The following CYREN variants were observed in gnomAD, a reference collection of about 807,000 sequenced individuals.
CYREN encodes the protein cell cycle regulator of NHEJ, also known as cell cycle regulator of non-homologous end joining.
CYREN carries 7 observed loss-of-function variants against 9.7 expected under a neutral mutation model. That is an observed-to-expected ratio of 0.72 (90% confidence interval 0.41 to 1.36). The LOEUF is 1.36. CYREN is among the 40% of genes most tolerant of loss of function. The pLI is 0.01. For missense variants in CYREN, 215 were observed against 198.1 expected (o/e 1.09, Z -0.51); for synonymous variants, 76 against 77.9 (o/e 0.98, Z 0.13).
intron 3 of CYREN, 131 bp from the exon 4 acceptor site, chr7:135,167,002 T>A: frequency 6.7e-7 from 1 of 1,488,774 alleles, no homozygotes; most frequent in Non-Finnish European, 8.9e-7. Flanking sequence ...AATGTACCCA[T>A]ATCCTGAGCA....
Position 135,096,831 on chromosome 7 carries a change from A to C in CYREN, n.357-2249T>G, listed in dbSNP as rs113361144. On this transcript the variant is annotated intron_variant and non_coding_transcript_variant, in intron 2 of 2. Transcript: ENST00000459937. ...GAAGGACATACATGGCTATTCTTTT[A>C]ATGACTGGCGGAAGAACATATACAA... 9.8e-3 allele frequency among the ~76,000 whole-genome samples: 1,496 copies of C among 152,262 alleles called. 20 individuals are homozygous for C. Among genetic ancestry groups the C allele is most frequent in the African/African-American group, 0.034 (1,410 of 41,546 alleles).
intron 2 of CYREN, among the ~76,000 whole-genome samples, chr7:135,126,837 C>T (rs1396588454): frequency 6.6e-6 from 1 of 152,136 alleles, no homozygotes; most frequent in Non-Finnish European, 1.5e-5. Context: ...TGAAACTGGA[C>T]CCCTTCCTTA....
At position 135,166,324 on chromosome 7, in the gene CYREN, A is replaced by T. The variant is rs1830129619; in HGVS notation, c.*287T>A. Reference sequence around the variant, plus strand: ...AACCTGGTCACTGACTAACACAGACAATTGGGACTCCAGAGCCTCAAGAGC... The same window carrying T: ...AACCTGGTCACTGACTAACACAGACTATTGGGACTCCAGAGCCTCAAGAGC... On this transcript the variant is annotated 3_prime_UTR_variant, in exon 4 of 4. Coordinates refer to ENST00000393114, the MANE Select transcript of CYREN (RefSeq NM_024033.4). 3.0e-6 allele frequency: 1 copy of T among 329,568 alleles called. No individual in the cohort carries two copies. Among genetic ancestry groups the T allele is most frequent in the Non-Finnish European group, 5.5e-6 (1 of 180,934 alleles). 20.4% of individuals were successfully genotyped at this position (329,568 alleles called of 1,614,324 possible).
chr7:135,151,863 G>A lies in CYREN; in HGVS notation n.356+16886C>T, dbSNP rs1274831412. ...CCCATGCTCCTTACCACCACACTGT[G>A]CTACCTCTCAACAGGCAGCTGCATC... On this transcript the variant is annotated intron_variant and non_coding_transcript_variant, in intron 2 of 2. Transcript: ENST00000459937. This position sits in a 1 kb window ranked among gnomAD's most constrained non-coding sequence, Gnocchi z 4.3. Among the ~76,000 whole-genome samples, 1 of 152,166 alleles carries A rather than the reference G, an allele frequency of 6.6e-6. No individual in the cohort carries two copies. The highest frequency in any genetic ancestry group is 6.5e-5 in the Admixed American group (1 of 15,280).
chr7:135,153,505 C>T lies in CYREN; in HGVS notation n.356+15244G>A, dbSNP rs374620034. 8.0e-5 allele frequency among the ~76,000 whole-genome samples: 12 copies of T among 149,196 alleles called. No homozygotes were observed. The South Asian group carries it at 8.6e-4, about 11-fold the overall frequency. On this transcript the variant is annotated intron_variant and non_coding_transcript_variant, in intron 2 of 2. Transcript: ENST00000459937. ...TAAAAACTCTAAAAACAGCAGATGTCGTCAAGGATGTGGAGAAAAGGGAAT... is the reference window on the plus strand; with the variant it reads ...TAAAAACTCTAAAAACAGCAGATGTTGTCAAGGATGTGGAGAAAAGGGAAT...
At chr7:135,165,036 G>A (rs368957588), downstream of CYREN, 34 of 1,525,754 alleles carry the variant, frequency 2.2e-5, no homozygotes, top group African/African-American at 4.3e-4. Context: ...TTCCAACCAT[G>A]GTCAGAGGTG....
chr7:135,168,017 G>GT, intron 2 of CYREN: 9 of 773,410 alleles, frequency 1.2e-5, no homozygotes, highest in Non-Finnish European at 1.6e-5. Context: ...GGCAACACCG[G>GT]GGTGCCTCCC....
intron 2 of CYREN, among the ~76,000 whole-genome samples, chr7:135,111,724 C>T (rs1390344698): frequency 1.3e-5 from 2 of 152,114 alleles, no homozygotes; most frequent in Non-Finnish European, 2.9e-5. Flanking sequence ...GAAGAGGAGC[C>T]CATGTAGGAC....
At chr7:135,164,776 C>A (rs292502), downstream of CYREN, 2 of 1,614,198 alleles carry the variant, frequency 1.2e-6, no homozygotes, top group South Asian at 1.1e-5. Context: ...GATGAGAGAG[C>A]GTGGCGGCTG....
intron 2 of CYREN, among the ~76,000 whole-genome samples, chr7:135,136,116 G>A (rs1023541407): frequency 4.6e-5 from 7 of 152,050 alleles, no homozygotes; most frequent in Admixed American, 3.3e-4. Flanking sequence ...GATGCATGTA[G>A]TAAGTCAGAA....
chr7:135,143,325 C>T (rs1004792663), intron 2 of CYREN, among the ~76,000 whole-genome samples: 1 of 152,114 alleles, frequency 6.6e-6, no homozygotes, highest in African/African-American at 2.4e-5. Context: ...ATATAGTCAA[C>T]TCATCTTTAA....
In CYREN at chr7:135,148,895, T is replaced by A. The variant is rs184587979; in HGVS notation, n.356+19854A>T. ...GATGCATATTTTAAGAGATTTTTTT[T>A]AATGTGGGCTTAGTTTCACTAATAA... On this transcript the variant is annotated intron_variant and non_coding_transcript_variant, in intron 2 of 2. Transcript: ENST00000459937. 3.4e-4 allele frequency among the ~76,000 whole-genome samples: 52 copies of A among 152,362 alleles called. 1 individual carries two copies. The highest frequency in any genetic ancestry group is 3.2e-3 in the Admixed American group (49 of 15,308).
At chr7:135,140,059 C>G (rs1168137949) in intron 2 of CYREN, among the ~76,000 whole-genome samples, 1 of 146,654 alleles carries the variant, frequency 6.8e-6, no homozygotes, top group Non-Finnish European at 1.5e-5. Flanking sequence ...TTTTTTGGAT[C>G]CACATGAATT....
intron 2 of CYREN, among the ~76,000 whole-genome samples, chr7:135,145,627 A>C (rs1380959718): frequency 1.3e-5 from 2 of 152,224 alleles, no homozygotes; most frequent in Non-Finnish European, 2.9e-5. Context: ...ATAGAAAACC[A>C]AGCAAGCAAA....
Position 135,167,799 on chromosome 7 carries a change from G to A in CYREN, c.146C>T (p.Ala49Val), listed in dbSNP as rs140271713. The change falls in exon 3 of 4, where the codon GCG becomes GTG. Residue 49 changes from alanine to valine, a missense_variant. Coordinates refer to ENST00000393114, the MANE Select transcript of CYREN (RefSeq NM_024033.4). ...ATTCATGCAGTACACAGTCCTTGTC[G>A]CAGGGAGTCTGAAAAAAAGACATGC... ...AVPVAAARLPATRTVYCMNEA... is the reference protein window; with the variant it reads ...AVPVAAARLPVTRTVYCMNEA... 36 of 1,614,128 alleles carry A rather than the reference G, an allele frequency of 2.2e-5. No individual in the cohort carries two copies. In the African/African-American group the frequency reaches 3.1e-4, roughly 14 times the overall value.
intron 2 of CYREN, chr7:135,135,230 C>A (rs1056755148): frequency 7.2e-6 from 11 of 1,532,446 alleles, no homozygotes; most frequent in Non-Finnish European, 8.8e-6. Flanking sequence ...GGACAACCCA[C>A]CTTATATCTG....
At chr7:135,125,365 A>G (rs926825589) in intron 2 of CYREN, among the ~76,000 whole-genome samples, 2 of 152,148 alleles carry the variant, frequency 1.3e-5, no homozygotes, top group African/African-American at 4.8e-5. Context: ...CCCTGAATAG[A>G]CCAATAGCAA....
In CYREN at chr7:135,130,534, C is replaced by G. The variant is rs570114825; in HGVS notation, n.357-35952G>C. Among the ~76,000 whole-genome samples the G allele has an allele frequency of 4.6e-4, 65 of 141,144 alleles. 2 individuals are homozygous for G. In the South Asian group the frequency reaches 0.016, roughly 35 times the overall value. The allele number at this position is 141,144 out of a possible 152,430, so 92.6% of individuals were successfully genotyped here. ...CCTACCTTCTGTTTGTAAGGACAGT[C>G]TTAATATTAATTCCAGCAACACATG... On this transcript the variant is annotated intron_variant and non_coding_transcript_variant, in intron 2 of 2. Transcript: ENST00000459937.
chr7:135,112,379 A>G (rs538387659), intron 2 of CYREN, among the ~76,000 whole-genome samples: 6 of 152,308 alleles, frequency 3.9e-5, no homozygotes, highest in Admixed American at 3.9e-4. Context: ...AATTATTCCC[A>G]TCTCAGAGGA....
Sources: allele counts gnomAD v4.1 joint callset (sites outside exome capture counted in the v4.1 genomes callset), GRCh38; gene constraint gnomAD v4.1.1; non-coding constraint Gnocchi (gnomAD v3.1); transcripts MANE v1.5; gene names NCBI Gene and HGNC (gene_info 2026-07-23, HGNC 2026-07-21).